Variants in SLC36A1 observed in about 807,000 individuals in gnomAD.
SLC36A1 encodes the protein solute carrier family 36 member 1.
A neutral mutation model predicts 47.5 loss-of-function variants in SLC36A1; 30 were observed. That is an observed-to-expected ratio of 0.63 (90% CI 0.47 to 0.86). The LOEUF is 0.86. Ranked by LOEUF, SLC36A1 falls within the 40% of genes least tolerant of loss-of-function variation. SLC36A1 has a pLI of 0.00. For missense variants in SLC36A1, 517 were observed against 606.0 expected (o/e 0.85, Z 1.54); for synonymous variants, 255 against 249.7 (o/e 1.02, Z -0.20).
chr5:151,495,268 C>CT (rs1486514881), downstream of SLC36A1, among the ~76,000 whole-genome samples: 1 of 152,244 alleles, frequency 6.6e-6, no homozygotes, highest in Non-Finnish European at 1.5e-5. Context: ...GCTTATTGGC[C>CT]TAAGGAAGTA....
At chr5:151,529,897 T>A in the SLC36A1 span, among the ~76,000 whole-genome samples, 1 of 152,286 alleles carries the variant, frequency 6.6e-6, no homozygotes, top group Admixed American at 6.5e-5. Flanking sequence ...AAAAAAGAAA[T>A]AAAAGAACAA....
At chr5:151,508,746 C>T in the SLC36A1 span, among the ~76,000 whole-genome samples, 4 of 151,894 alleles carry the variant, frequency 2.6e-5, no homozygotes, top group Non-Finnish European at 4.4e-5. Flanking sequence ...ATCAGCATAC[C>T]CAGAGTAATC....
chr5:151,380,373 G>GACCAGAGTGAGC, the SLC36A1 span: 1 of 360,914 alleles, frequency 2.8e-6, no homozygotes, highest in African/African-American at 2.1e-5. Context: ...GTGGGGCGAG[G>GACCAGAGTGAGC]ACCAGAGTGA....
At chr5:151,506,031 T>A in the SLC36A1 span, 39 of 1,569,528 alleles carry the variant, frequency 2.5e-5, no homozygotes, top group Non-Finnish European at 3.0e-5. Flanking sequence ...CACTTCGGAG[T>A]GGGGGTATTC....
intron 5 of SLC36A1, 46 bp from the exon 6 acceptor site, chr5:151,467,150 TGCA>T: frequency 9.6e-7 from 1 of 1,042,622 alleles, no homozygotes; most frequent in Non-Finnish European, 1.3e-6. Flanking sequence ...CTGGGAGCAT[TGCA>T]TTTGTATTGT....
At chr5:151,531,636 G>A in the SLC36A1 span, 1 of 1,613,410 alleles carries the variant, frequency 6.2e-7, no homozygotes, top group Non-Finnish European at 8.5e-7. The surrounding 1 kb of genome is among the most constrained non-coding windows in gnomAD (Gnocchi z 5.7). Flanking sequence ...CGCTGACCAC[G>A]CGGTAGCCGG....
At chr5:151,547,859 C>G in the SLC36A1 span, among the ~76,000 whole-genome samples, 51 of 152,190 alleles carry the variant, frequency 3.4e-4, no homozygotes, top group Non-Finnish European at 6.3e-4. Flanking sequence ...GAAAATCATT[C>G]TTTTGGGGTG....
the SLC36A1 span, among the ~76,000 whole-genome samples, chr5:151,508,659 G>A: frequency 0.012 from 1,843 of 151,546 alleles, 38 homozygotes; most frequent in African/African-American, 0.042. Flanking sequence ...GCAGTGAGCC[G>A]AGATTGTGCC....
chr5:151,378,242 G>C, the SLC36A1 span: 1 of 225,832 alleles, frequency 4.4e-6, no homozygotes, highest in South Asian at 8.0e-5. Flanking sequence ...CAAAGTTCTG[G>C]TTCATTAAAC....
chr5:151,467,994 G>C, intron 7 of SLC36A1, 69 bp downstream of exon 7: 2 of 1,335,596 alleles, frequency 1.5e-6, no homozygotes, highest in South Asian at 1.3e-5. Flanking sequence ...GGTAGCTCAT[G>C]CCTGTAATCC....
the SLC36A1 span, chr5:151,531,888 G>A: frequency 1.9e-6 from 3 of 1,614,196 alleles, no homozygotes; most frequent in Middle Eastern, 1.6e-4. This position sits in a 1 kb window ranked among gnomAD's most constrained non-coding sequence, Gnocchi z 5.7. Context: ...GCTTTTCCAG[G>A]CGGATCACCC....
At chr5:151,554,317 C>T in the SLC36A1 span, 4 of 1,561,692 alleles carry the variant, frequency 2.6e-6, no homozygotes, top group Non-Finnish European at 2.6e-6. Flanking sequence ...AGGCCACTAA[C>T]CAGCATGCCA....
At chr5:151,467,099 C>T in intron 5 of SLC36A1, 100 bp from the exon 6 acceptor site, 1 of 905,096 alleles carries the variant, frequency 1.1e-6, no homozygotes, top group Non-Finnish European at 1.8e-6. Flanking sequence ...CTTGTACTCC[C>T]TAAATCTATT....
In SLC36A1 at chr5:151,491,529, A is replaced by T. The variant is rs896966958; in HGVS notation, c.*3275A>T. On this transcript the variant is annotated 3_prime_UTR_variant, in exon 11 of 11. Transcript: ENST00000243389. ...CTCTCATCTTACTTTTTCTTCTCAG[A>T]TTTCTCCCTTCCTAGAACATTCTCT... is the stretch of plus-strand genomic sequence containing the variant. 1.3e-5 allele frequency: 2 copies of T among 152,388 alleles called. No homozygotes were observed. The highest frequency in any genetic ancestry group is 4.8e-5 in the African/African-American group (2 of 41,322). The allele number at this position is 152,388 out of a possible 1,614,324, so 9.4% of individuals were successfully genotyped here.
At chr5:151,532,050 G>GCTGC in the SLC36A1 span, 1 of 1,550,642 alleles carries the variant, frequency 6.4e-7, no homozygotes, top group Non-Finnish European at 8.8e-7. Context: ...GCAGCCACAG[G>GCTGC]AGGGGCTGGG....
At chr5:151,430,472 G>A in the SLC36A1 span, among the ~76,000 whole-genome samples, 2 of 151,862 alleles carry the variant, frequency 1.3e-5, no homozygotes, top group Admixed American at 6.6e-5. Context: ...ACAGGTGCCC[G>A]CCACCATGCC....
At chr5:151,474,178 A>AAAAAAAAAAAAAAAGAGAG (rs776318482) in intron 8 of SLC36A1, among the ~76,000 whole-genome samples, 1 of 119,008 alleles carries the variant, frequency 8.4e-6, no homozygotes, top group African/African-American at 4.5e-5. Flanking sequence ...AAAAAAAAAA[A>AAAAAAAAAAAAAAAGAGAG]AGAAATTATC....
chr5:151,407,093 A>G, the SLC36A1 span, among the ~76,000 whole-genome samples: 1 of 152,194 alleles, frequency 6.6e-6, no homozygotes, highest in African/African-American at 2.4e-5. Flanking sequence ...GTGAAGCTGC[A>G]GACCTTTGCA....
chr5:151,540,213 T>G, the SLC36A1 span, among the ~76,000 whole-genome samples: 1 of 152,212 alleles, frequency 6.6e-6, no homozygotes, highest in Non-Finnish European at 1.5e-5. Flanking sequence ...CAGCTTGGTA[T>G]ATCCCTATGG....
Sources: gnomAD v4.1 joint callset for allele counts (sites outside exome capture counted in the v4.1 genomes callset) on GRCh38, gnomAD v4.1.1 for gene constraint, Gnocchi (gnomAD v3.1) non-coding constraint, MANE v1.5 for transcripts, NCBI Gene and HGNC (gene_info 2026-07-23, HGNC 2026-07-21) for gene names.